The following ZNF226 variants were observed in gnomAD, a reference collection of about 807,000 sequenced individuals.
ZNF226 encodes the protein zinc finger protein 226.
Under a neutral mutation model 11.4 loss-of-function variants are expected in ZNF226, and 6 were observed. The ratio of observed to expected loss-of-function variants is 0.53; its 90% CI spans 0.29 to 1.04. The LOEUF (loss-of-function observed/expected upper bound fraction) is 1.04, where lower values mean the gene tolerates loss of function less well. ZNF226 is among the 50% of genes least tolerant of loss of function. The probability of loss-of-function intolerance (pLI) is 0.08; values close to 1 mark genes in which losing one functional copy is unlikely to be tolerated. For missense variants in ZNF226, 1,058 were observed against 956.5 expected (o/e 1.11, Z -1.40); for synonymous variants, 350 against 322.8 (o/e 1.08, Z -0.90).
intron 2 of ZNF226, among the ~76,000 whole-genome samples, chr19:44,167,314 C>CTTTT (rs35919865): frequency 1.2e-4 from 13 of 105,668 alleles, no homozygotes; most frequent in Middle Eastern, 5.7e-3. Context: ...ATTTCTTTAA[C>CTTTT]TTTTTTTTTT....
At chr19:44,190,017 A>T in the ZNF226 span, among the ~76,000 whole-genome samples, 1 of 152,212 alleles carries the variant, frequency 6.6e-6, no homozygotes, top group Non-Finnish European at 1.5e-5. Flanking sequence ...ACCTAGAATA[A>T]CTTAGGATCC....
chr19:44,186,102 A>G, the ZNF226 span, among the ~76,000 whole-genome samples: 1 of 151,884 alleles, frequency 6.6e-6, no homozygotes, highest in Non-Finnish European at 1.5e-5. Flanking sequence ...TCTGTGTTAT[A>G]TTGGTTATAT....
rs1417800570 is a variant in ZNF226 at position 44,177,439 on chromosome 19, C to G, written c.2177C>G (p.Pro726Arg). The G allele has an allele frequency of 3.1e-6, 5 of 1,614,176 alleles. No homozygotes were observed. The Admixed American group carries it at 5.0e-5, about 16-fold the overall frequency. The part of the protein sequence containing the change: ...LHQSVHTGEK[P>R]YKCDVCGKVF... ...CAGAGTGTCCACACAGGAGAGAAACCATACAAATGTGATGTGTGTGGTAAA... is the reference window on the plus strand; with the variant it reads ...CAGAGTGTCCACACAGGAGAGAAACGATACAAATGTGATGTGTGTGGTAAA... The change falls in exon 6 of 6, where the codon CCA becomes CGA. Residue 726 changes from proline to arginine, a missense_variant. Transcript: ENST00000337433.
downstream of ZNF226, among the ~76,000 whole-genome samples, chr19:44,182,269 C>G (rs561381958): frequency 2.6e-5 from 4 of 152,202 alleles, no homozygotes; most frequent in African/African-American, 9.7e-5. Flanking sequence ...TTAGGGGATG[C>G]TCTATGCATT....
At chr19:44,194,358 C>T in the ZNF226 span, among the ~76,000 whole-genome samples, 5 of 152,030 alleles carry the variant, frequency 3.3e-5, no homozygotes, top group South Asian at 2.1e-4. Flanking sequence ...CTCACTACAG[C>T]GTTGAACTCC....
chr19:44,177,109 A>G lies in ZNF226; in HGVS notation c.1847A>G (p.Asn616Ser), dbSNP rs370723092. ...CRIHTGEKPY[N>S]CEECGKVFRQ... is the part of the protein sequence containing the mutation. The stretch of plus-strand genomic sequence containing the variant: ...ATCCACACAGGAGAGAAACCATATA[A>G]TTGTGAGGAGTGTGGGAAGGTCTTC... The change falls in exon 6 of 6, where the codon AAT (asparagine) becomes AGT (serine). Residue 616 changes from asparagine (N) to serine (S), a missense_variant. By Grantham distance (46) the Asn-to-Ser change is conservative. Coordinates refer to ENST00000337433, the MANE Select transcript of ZNF226 (RefSeq NM_001032373.2). 3 of 1,613,850 alleles carry G rather than the reference A, an allele frequency of 1.9e-6. No homozygotes were observed. The highest frequency in any genetic ancestry group is 1.3e-5 in the African/African-American group (1 of 74,844).
chr19:44,174,482 T>C (rs987430475), intron 5 of ZNF226: 1 of 152,272 alleles, frequency 6.6e-6, no homozygotes, highest in Non-Finnish European at 1.5e-5. Flanking sequence ...CATTTGCTTC[T>C]TCCAAAGTCC....
intron 2 of ZNF226, among the ~76,000 whole-genome samples, chr19:44,167,497 T>G (rs971530383): frequency 3.9e-5 from 6 of 151,934 alleles, no homozygotes; most frequent in Admixed American, 6.6e-5. Context: ...TTTTTGTATT[T>G]TTAGTAGCGA....
At chr19:44,167,112 A>G (rs1969473211) in intron 2 of ZNF226, among the ~76,000 whole-genome samples, 1 of 152,138 alleles carries the variant, frequency 6.6e-6, no homozygotes, top group Non-Finnish European at 1.5e-5. Context: ...GTCAAAATGG[A>G]GAAACTCAGA....
intron 2 of ZNF226, among the ~76,000 whole-genome samples, chr19:44,166,530 T>G (rs1206454621): frequency 2.0e-5 from 3 of 152,156 alleles, no homozygotes; most frequent in Non-Finnish European, 4.4e-5. Flanking sequence ...AAAAATAGTT[T>G]TCTCAATTAT....
chr19:44,186,035 A>G, the ZNF226 span, among the ~76,000 whole-genome samples: 1 of 151,882 alleles, frequency 6.6e-6, no homozygotes, highest in Non-Finnish European at 1.5e-5. Flanking sequence ...TCATTGTGTA[A>G]TCTTGGCACT....
At chr19:44,191,033 CATT>C in the ZNF226 span, among the ~76,000 whole-genome samples, 4 of 152,118 alleles carry the variant, frequency 2.6e-5, no homozygotes, top group East Asian at 1.9e-4. Context: ...GTTATAAAAA[CATT>C]ATCAGTTATT....
At chr19:44,192,459 A>G in the ZNF226 span, among the ~76,000 whole-genome samples, 20 of 152,258 alleles carry the variant, frequency 1.3e-4, no homozygotes, top group Non-Finnish European at 2.4e-4. Flanking sequence ...ATCAGAGTGA[A>G]AAAAGCTTCC....
chr19:44,186,866 A>C, the ZNF226 span, among the ~76,000 whole-genome samples: 1 of 104,180 alleles, frequency 9.6e-6, no homozygotes, highest in Non-Finnish European at 1.8e-5. Flanking sequence ...TTTCATTTCT[A>C]GTTAAGTGGT....
rs138174785 is a variant in ZNF226, at chr19:44,169,336, T to C, written c.-46-699T>C. On this transcript the variant is annotated intron_variant, in intron 2 of 5. Transcript: ENST00000337433. The stretch of plus-strand genomic sequence containing the variant: ...AGGTTCCTGCATTTTTAATTTAAGT[T>C]AGGTATGGATTGTCAAACGGTGTTT... 5.3e-5 allele frequency among the ~76,000 whole-genome samples: 8 copies of C among 152,244 alleles called. No individual in the cohort carries two copies. In the East Asian group the frequency reaches 1.5e-3, roughly 29 times the overall value.
chr19:44,197,331 CT>C, the ZNF226 span, among the ~76,000 whole-genome samples: 1 of 152,226 alleles, frequency 6.6e-6, no homozygotes, highest in Non-Finnish European at 1.5e-5. Context: ...AATTTACACT[CT>C]TACAAGGACC....
intron 2 of ZNF226, chr19:44,166,881 AG>A (rs1462510271): frequency 2.0e-5 from 3 of 152,206 alleles, no homozygotes; most frequent in African/African-American, 7.2e-5. Flanking sequence ...CAAGATCCCA[AG>A]GTGAGCGAGA....
downstream of ZNF226, among the ~76,000 whole-genome samples, chr19:44,180,071 A>G (rs905273046): frequency 1.5e-5 from 2 of 133,936 alleles, no homozygotes; most frequent in African/African-American, 5.9e-5. Flanking sequence ...TGGGTGACAG[A>G]GCAAGACTCT....
rs980938320 is a variant in ZNF226 at position 44,177,632 on chromosome 19, G to C, written c.2370G>C (p.Lys790Asn). The change falls in exon 6 of 6, where the codon AAG becomes AAC. Residue 790 changes from lysine (K) to asparagine (N), a missense_variant. Physicochemically the swap from Lys to Asn is moderately conservative, Grantham distance 94. Transcript: ENST00000337433. ...CCTATAAAAGTAATAGGGGTGGTAA[G>C]AACATCAGAGAATCCACACAGGAAA... Reference protein sequence around the residue: ...DKSYKSNRGGKNIRESTQEKK... With the variant: ...DKSYKSNRGGNNIRESTQEKK... 1.1e-5 allele frequency: 17 copies of C among 1,603,906 alleles called. No homozygotes were observed. In the Admixed American group the frequency reaches 2.2e-4, roughly 21 times the overall value.
Sources: allele counts gnomAD v4.1 joint callset (sites outside exome capture counted in the v4.1 genomes callset), GRCh38; gene constraint gnomAD v4.1.1; transcripts MANE v1.5; gene names NCBI Gene and HGNC (gene_info 2026-07-23, HGNC 2026-07-21).